The following TCF7L2 variants were observed in gnomAD, a reference collection of about 807,000 sequenced individuals.
The protein encoded by TCF7L2 is transcription factor 7-like 2.
Under a neutral mutation model 77.9 loss-of-function variants are expected in TCF7L2, and 23 were observed. That is an observed-to-expected ratio of 0.30 (90% CI 0.21 to 0.42). The LOEUF is 0.42. TCF7L2 is among the 10% of genes least tolerant of loss of function. The pLI is 1.00. For synonymous variants in TCF7L2, 413 were observed against 340.2 expected (o/e 1.21, Z -2.36); for missense variants, 654 against 793.1 (o/e 0.82, Z 2.11).
At chr10:113,105,502 G>C (rs988742820) in intron 5 of TCF7L2, among the ~76,000 whole-genome samples, 37 of 152,110 alleles carry the variant, frequency 2.4e-4, no homozygotes, top group Admixed American at 6.5e-5. Context: ...GTCCACTTTC[G>C]AAGTTCTGGG....
intron 4 of TCF7L2, among the ~76,000 whole-genome samples, chr10:113,024,479 C>T (rs151299509): frequency 1.3e-5 from 2 of 152,218 alleles, no homozygotes; most frequent in Non-Finnish European, 2.9e-5. Flanking sequence ...TAACCATTAT[C>T]CAAAATGCTT....
rs1372766078 is a variant in TCF7L2 at position 113,144,031 on chromosome 10, G to C, written c.788+6G>C. 7.5e-6 allele frequency: 12 copies of C among 1,609,950 alleles called. No individual in the cohort carries two copies. Among genetic ancestry groups the C allele is most frequent in the African/African-American group, 1.3e-5 (1 of 74,540 alleles). On this transcript the variant is annotated splice_donor_region_variant and intron_variant, in intron 7 of 13. Transcript: ENST00000627217. Reference sequence around the variant, plus strand: ...CTAGGATGGTTAGTACCACAGTAAGGAGTTCCATTTTTTAATTTCCTTTTT... The same window carrying C: ...CTAGGATGGTTAGTACCACAGTAAGCAGTTCCATTTTTTAATTTCCTTTTT...
rs148633958 is a variant in TCF7L2 at position 113,062,888 on chromosome 10, G to GT, written c.552+22766dup. On this transcript the variant is annotated intron_variant, in intron 5 of 13. Transcript: ENST00000627217. ...ACTGAATAATACATTGGGCATGATG[G>GT]TTTTGTCCTAAACATTAACAGCCAC... Among the ~76,000 whole-genome samples the GT allele has an allele frequency of 1.3e-3, 197 of 152,150 alleles. 4 individuals carry two copies. The South Asian group carries it at 0.026, about 20-fold the overall frequency.
In TCF7L2 at chr10:112,951,194, C is replaced by A; in HGVS notation, c.190-13C>A. The A allele has an allele frequency of 6.3e-7, 1 of 1,584,134 alleles. No individual in the cohort carries two copies. Among genetic ancestry groups the A allele is most frequent in the Non-Finnish European group, 8.6e-7 (1 of 1,168,638 alleles). Reference sequence around the variant, plus strand: ...TTGCCCCTCGCCCTCCCCACCTCCACCCCTCTGGGAAGGCGGAAAGACGGC... The same window carrying A: ...TTGCCCCTCGCCCTCCCCACCTCCAACCCTCTGGGAAGGCGGAAAGACGGC... On this transcript the variant is annotated splice_polypyrimidine_tract_variant and intron_variant, in intron 1 of 13. Transcript: ENST00000627217.
chr10:113,140,868 T>C lies in TCF7L2; in HGVS notation c.553-316T>C, dbSNP rs7898108. Among the ~76,000 whole-genome samples the C allele has an allele frequency of 0.33, 50,200 of 152,080 alleles. 8,758 individuals carry two copies. The highest frequency in any genetic ancestry group is 0.35 in the African/African-American group (14,722 of 41,472). On this transcript the variant is annotated intron_variant, in intron 5 of 13. Coordinates refer to ENST00000627217, the MANE Select transcript of TCF7L2 (RefSeq NM_001146274.2). ...GCAGTAGGCATGGGAGATTGAAGTC[T>C]CCACTTCTGACTCACCTGCTAATGG...
chr10:112,950,800 A>G lies in TCF7L2; in HGVS notation c.44A>G (p.Asn15Ser), dbSNP rs1287908784. ...GGTGGAGGGGATGACCTAGGCGCCA[A>G]CGACGAACTGATTTCCTTCAAAGAC... Residue 15 changes from asparagine (N) to serine (S), a missense_variant, in exon 1 of 14, where the codon AAC becomes AGC. This residue lies in a region of TCF7L2 where 37 missense variants were observed against 48.1 expected (regional missense o/e 0.77). Coordinates refer to ENST00000627217, the MANE Select transcript of TCF7L2 (RefSeq NM_001146274.2). 3 of 1,593,234 alleles carry G rather than the reference A, an allele frequency of 1.9e-6. No individual in the cohort carries two copies. The highest frequency in any genetic ancestry group is 2.2e-5 in the East Asian group (1 of 44,700).
At chr10:113,114,673 A>G (rs908149311) in intron 5 of TCF7L2, among the ~76,000 whole-genome samples, 5 of 152,228 alleles carry the variant, frequency 3.3e-5, no homozygotes, top group Non-Finnish European at 7.3e-5. Flanking sequence ...CACATTTAGT[A>G]GTGTTAATTG....
intron 4 of TCF7L2, among the ~76,000 whole-genome samples, chr10:113,019,322 A>G (rs2133829020): frequency 6.6e-6 from 1 of 152,236 alleles, no homozygotes; most frequent in East Asian, 1.9e-4. Context: ...TGACACAGTA[A>G]TAAAGGCAGT....
intron 12 of TCF7L2, 63 bp from the exon 13 acceptor site, chr10:113,158,604 G>A: frequency 6.4e-7 from 1 of 1,563,126 alleles, no homozygotes; most frequent in Non-Finnish European, 8.8e-7. Flanking sequence ...AGAAGGCCAG[G>A]CTTTTACAAA....
chr10:113,026,870 C>T (rs1035407902), intron 4 of TCF7L2, among the ~76,000 whole-genome samples: 4 of 152,148 alleles, frequency 2.6e-5, no homozygotes, highest in Non-Finnish European at 5.9e-5. Flanking sequence ...GGAGGGAATA[C>T]CCAAACTCGA....
intron 5 of TCF7L2, among the ~76,000 whole-genome samples, chr10:113,065,063 A>C (rs990403023): frequency 6.6e-6 from 1 of 152,228 alleles, no homozygotes; most frequent in Non-Finnish European, 1.5e-5. Context: ...AAAAAGGGCC[A>C]GGTTCCCTGA....
At chr10:113,129,578 T>A in intron 5 of TCF7L2, 1 of 1,002,558 alleles carries the variant, frequency 1.0e-6, no homozygotes, top group Non-Finnish European at 1.2e-6. Context: ...AAGATTTTTT[T>A]AGGGATGTGT....
chr10:113,118,594 C>T (rs1322864018), intron 5 of TCF7L2, among the ~76,000 whole-genome samples: 1 of 148,098 alleles, frequency 6.8e-6, no homozygotes, highest in Non-Finnish European at 1.5e-5. Context: ...AGTGAGAACC[C>T]AGGAAAATGG....
chr10:113,065,963 C>T (rs893559518), intron 5 of TCF7L2, among the ~76,000 whole-genome samples: 3 of 152,016 alleles, frequency 2.0e-5, no homozygotes, highest in Non-Finnish European at 2.9e-5. Flanking sequence ...GGTTTGTGTC[C>T]GTGCATGAAA....
At chr10:113,095,914 C>T (rs1031490640) in intron 5 of TCF7L2, among the ~76,000 whole-genome samples, 18 of 152,138 alleles carry the variant, frequency 1.2e-4, no homozygotes, top group Admixed American at 1.3e-4. Flanking sequence ...CCCCTTTCGT[C>T]GTGAGTCACG....
chr10:113,093,654 C>T (rs919257990), intron 5 of TCF7L2, among the ~76,000 whole-genome samples: 2 of 152,160 alleles, frequency 1.3e-5, no homozygotes, highest in African/African-American at 4.8e-5. Context: ...AAATGTGACT[C>T]AGAAAGTCAA....
chr10:113,109,426 C>T (rs1256342214), intron 5 of TCF7L2, among the ~76,000 whole-genome samples: 1 of 152,132 alleles, frequency 6.6e-6, no homozygotes, highest in Non-Finnish European at 1.5e-5. Context: ...GGCTCTGGCT[C>T]TGTCGCCCAG....
At chr10:113,043,220 C>G (rs1319567995) in intron 5 of TCF7L2, among the ~76,000 whole-genome samples, 1 of 152,188 alleles carries the variant, frequency 6.6e-6, no homozygotes, top group Non-Finnish European at 1.5e-5. Flanking sequence ...ATAACTTCTT[C>G]CAGTACCCAT....
intron 11 of TCF7L2, among the ~76,000 whole-genome samples, chr10:113,152,718 T>G (rs1176999535): frequency 1.3e-5 from 2 of 152,128 alleles, no homozygotes; most frequent in African/African-American, 4.8e-5. Flanking sequence ...ATTTGGTGCT[T>G]GTCTCCTTTC....
Sources: allele counts gnomAD v4.1 joint callset (sites outside exome capture counted in the v4.1 genomes callset), GRCh38; gene constraint gnomAD v4.1.1; regional missense constraint gnomAD v4.1.1; transcripts MANE v1.5; gene names NCBI Gene and HGNC (gene_info 2026-07-23, HGNC 2026-07-21).